The following EPC1 variants were observed in gnomAD, a reference collection of about 807,000 sequenced individuals.
EPC1 encodes the protein enhancer of polycomb 1.
EPC1 carries 12 observed loss-of-function variants against 98.4 expected under a neutral mutation model. That is an observed-to-expected ratio of 0.12 (90% confidence interval 0.08 to 0.20). The LOEUF (loss-of-function observed/expected upper bound fraction) is 0.20. EPC1 is among the 10% of genes least tolerant of loss of function. EPC1 has a pLI of 1.00. For synonymous variants in EPC1, 357 were observed against 363.9 expected (o/e 0.98, Z 0.21); for missense variants, 729 against 990.5 (o/e 0.74, Z 3.54).
intron 1 of EPC1, among the ~76,000 whole-genome samples, chr10:32,312,188 T>C (rs1836276375): frequency 6.6e-6 from 1 of 152,196 alleles, no homozygotes; most frequent in Non-Finnish European, 1.5e-5. Flanking sequence ...CGCCAGATCA[T>C]GCAGAGTCTT....
At position 32,271,735 on chromosome 10, in the gene EPC1, T is replaced by C; in HGVS notation, c.2188A>G (p.Asn730Asp). The C allele has an allele frequency of 1.2e-6, 2 of 1,614,204 alleles. No homozygotes were observed. Among genetic ancestry groups the C allele is most frequent in the Non-Finnish European group, 1.7e-6 (2 of 1,180,042 alleles). ...NSATTQVLIG[N>D]NIRLTVPSSV... The stretch of plus-strand genomic sequence containing the variant: ...GAAGGTACAGTTAATCGAATGTTGT[T>C]CCCAATCAGAACCTGAGTTGTTGCA... Residue 730 changes from asparagine to aspartate, a missense_variant, in exon 13 of 14, where the codon AAC (asparagine) becomes GAC (aspartate). Transcript: ENST00000319778.
intron 1 of EPC1, among the ~76,000 whole-genome samples, chr10:32,335,248 A>C (rs1418158623): frequency 6.6e-6 from 1 of 152,164 alleles, no homozygotes; most frequent in Non-Finnish European, 1.5e-5. Context: ...AGTCCAAGAC[A>C]TAACAGTACC....
At chr10:32,359,951 A>G (rs1839390986) in intron 1 of EPC1, among the ~76,000 whole-genome samples, 1 of 151,006 alleles carries the variant, frequency 6.6e-6, no homozygotes, top group Non-Finnish European at 1.5e-5. Context: ...TGTTTGTATC[A>G]GTAATTTTGT....
chr10:32,357,111 C>A (rs2133094031), intron 1 of EPC1, among the ~76,000 whole-genome samples: 1 of 152,330 alleles, frequency 6.6e-6, no homozygotes, highest in South Asian at 2.1e-4. Context: ...AGTTAAGCTT[C>A]AGGACATAGC....
intron 2 of EPC1, among the ~76,000 whole-genome samples, chr10:32,301,285 A>T (rs1835524993): frequency 6.6e-6 from 1 of 152,144 alleles, no homozygotes; most frequent in South Asian, 2.1e-4. Context: ...ATAAAAAAAG[A>T]CCTGAATACT....
intron 1 of EPC1, among the ~76,000 whole-genome samples, chr10:32,370,822 A>C (rs1002902781): frequency 8.5e-5 from 13 of 152,242 alleles, no homozygotes; most frequent in African/African-American, 3.1e-4. Context: ...ACATGTTACT[A>C]GTGAGTACCG....
At chr10:32,317,045 T>G (rs2132880542) in intron 1 of EPC1, among the ~76,000 whole-genome samples, 1 of 152,324 alleles carries the variant, frequency 6.6e-6, no homozygotes, top group South Asian at 2.1e-4. Context: ...TGTTTGAAAA[T>G]GTTCACTGTA....
At chr10:32,351,425 G>A (rs920311836), upstream of EPC1, among the ~76,000 whole-genome samples, 5 of 152,098 alleles carry the variant, frequency 3.3e-5, no homozygotes, top group South Asian at 2.1e-4. Flanking sequence ...GGGAGGCCGA[G>A]GAGAGTGGAT....
chr10:32,347,267 C>G (rs1241925290), upstream of EPC1: 1 of 1,083,040 alleles, frequency 9.2e-7, no homozygotes, highest in South Asian at 4.5e-5. Context: ...GCACGAAGCG[C>G]GCGTCCCGCC....
At chr10:32,375,898 A>C (rs1401131267) in intron 1 of EPC1, among the ~76,000 whole-genome samples, 1 of 152,002 alleles carries the variant, frequency 6.6e-6, no homozygotes, top group Non-Finnish European at 1.5e-5. Context: ...TTAATCCAAA[A>C]ATTTGTTATA....
chr10:32,290,505 A>AAAAAAAAAAAAAAGAAAGAAAG (rs1554819136), intron 6 of EPC1, among the ~76,000 whole-genome samples: 21 of 77,480 alleles, frequency 2.7e-4, no homozygotes, highest in African/African-American at 5.0e-4. Flanking sequence ...AAAAAAAAAA[A>AAAAAAAAAAAAAAGAAAGAAAG]AAAGAAAGAA....
chr10:32,345,440 T>C (rs1316069335), intron 1 of EPC1: 1 of 985,352 alleles, frequency 1.0e-6, no homozygotes, highest in East Asian at 1.1e-4. Flanking sequence ...TTAAAAATTC[T>C]TACAGTACCA....
chr10:32,373,294 G>A (rs1198739201), intron 1 of EPC1, among the ~76,000 whole-genome samples: 1 of 152,150 alleles, frequency 6.6e-6, no homozygotes, highest in African/African-American at 2.4e-5. Context: ...CATTTAGGCT[G>A]CAGGCTGGAA....
chr10:32,303,102 G>T (rs113859211), intron 2 of EPC1, among the ~76,000 whole-genome samples: 14 of 152,096 alleles, frequency 9.2e-5, no homozygotes, highest in Non-Finnish European at 1.2e-4. Context: ...TCAGGAATTC[G>T]AGACCAGCCT....
rs1554819136 is a variant in EPC1, at chr10:32,290,505, A to AAAAAAAAAGAAAG, written c.975+657_975+658insCTTTCTTTTTTTT. Among the ~76,000 whole-genome samples the AAAAAAAAAGAAAG allele has an allele frequency of 1.3e-3, 97 of 77,438 alleles. 1 individual carries two copies. The highest frequency in any genetic ancestry group is 1.6e-3 in the Non-Finnish European group (68 of 43,070). The allele number at this position is 77,438 out of a possible 152,430, so 50.8% of individuals were successfully genotyped here. ...TGTCAAAAAAAAAAAAAAAAAAAAA[A>AAAAAAAAAGAAAG]AAAGAAAGAAAGAAAAACTCATCTG... On this transcript the variant is annotated intron_variant, in intron 6 of 13. Transcript: ENST00000319778.
chr10:32,322,376 G>A (rs1307759295), intron 1 of EPC1, among the ~76,000 whole-genome samples: 2 of 151,986 alleles, frequency 1.3e-5, no homozygotes, highest in Non-Finnish European at 2.9e-5. Flanking sequence ...TACTTATAAG[G>A]AATCAGCTTA....
chr10:32,343,395 G>A (rs929746449), intron 1 of EPC1, among the ~76,000 whole-genome samples: 1 of 152,144 alleles, frequency 6.6e-6, no homozygotes, highest in Non-Finnish European at 1.5e-5. Flanking sequence ...ATTTTTAGTA[G>A]AGACAGGGTT....
At chr10:32,279,358 A>G (rs190166342) in intron 10 of EPC1, among the ~76,000 whole-genome samples, 41 of 151,938 alleles carry the variant, frequency 2.7e-4, no homozygotes, top group African/African-American at 9.6e-4. Flanking sequence ...AAAAAAAAAA[A>G]AAAAAGAAAA....
At chr10:32,317,572 G>A (rs1222484412) in intron 1 of EPC1, among the ~76,000 whole-genome samples, 1 of 152,150 alleles carries the variant, frequency 6.6e-6, no homozygotes, top group East Asian at 1.9e-4. Flanking sequence ...AGCCTGGGAG[G>A]TGGAGGTTGT....
Sources: allele counts gnomAD v4.1 joint callset (sites outside exome capture counted in the v4.1 genomes callset), GRCh38; gene constraint gnomAD v4.1.1; transcripts MANE v1.5; gene names NCBI Gene and HGNC (gene_info 2026-07-23, HGNC 2026-07-21).